Variants in MTMR7 observed in about 807,000 individuals in gnomAD.
MTMR7 encodes myotubularin related protein 7.
MTMR7 carries 76 observed loss-of-function variants against 81.2 expected under a neutral mutation model. That is an observed-to-expected ratio of 0.94 (90% CI 0.78 to 1.13). The LOEUF is 1.13. Among genes scored for constraint, MTMR7 ranks in the 50% most tolerant of loss-of-function variants. The probability of loss-of-function intolerance (pLI) is 0.00; values close to 1 mark genes in which losing one functional copy is unlikely to be tolerated. For missense variants in MTMR7, 1,044 were observed against 820.0 expected (o/e 1.27, Z -3.34); for synonymous variants, 372 against 289.8 (o/e 1.28, Z -2.88).
chr8:17,383,106 G>C (rs1820813807), intron 1 of MTMR7, among the ~76,000 whole-genome samples: 1 of 151,994 alleles, frequency 6.6e-6, no homozygotes, highest in African/African-American at 2.4e-5. Context: ...AGGTCCCAGG[G>C]AAGGGAGCCG....
intron 6 of MTMR7, among the ~76,000 whole-genome samples, chr8:17,332,674 T>C (rs1332465211): frequency 6.6e-6 from 1 of 152,236 alleles, no homozygotes; most frequent in Non-Finnish European, 1.5e-5. Flanking sequence ...TTTTGCACCA[T>C]TGTAAAAAGC....
At chr8:17,399,777 A>G (rs1557587) in intron 1 of MTMR7, among the ~76,000 whole-genome samples, 2 of 151,836 alleles carry the variant, frequency 1.3e-5, no homozygotes, top group Non-Finnish European at 2.9e-5. Flanking sequence ...CATTATTCAC[A>G]GTAGTCGAGA....
intron 1 of MTMR7, among the ~76,000 whole-genome samples, chr8:17,404,870 A>G (rs546057935): frequency 1.3e-5 from 2 of 152,232 alleles, no homozygotes; most frequent in East Asian, 3.9e-4. Context: ...CTGTAGCCCA[A>G]GCTGGAGTGC....
chr8:17,404,205 G>T (rs1055243042), intron 1 of MTMR7, among the ~76,000 whole-genome samples: 1 of 152,172 alleles, frequency 6.6e-6, no homozygotes, highest in African/African-American at 2.4e-5. Flanking sequence ...GGTAGGAACG[G>T]AGGTGGGATA....
At chr8:17,388,051 G>A (rs904132137) in intron 1 of MTMR7, among the ~76,000 whole-genome samples, 1 of 152,156 alleles carries the variant, frequency 6.6e-6, no homozygotes, top group Non-Finnish European at 1.5e-5. Context: ...TCTTAGAAAA[G>A]GCAGAACAAG....
At chr8:17,350,400 T>C (rs1443850794) in intron 4 of MTMR7, among the ~76,000 whole-genome samples, 1 of 152,224 alleles carries the variant, frequency 6.6e-6, no homozygotes, top group Non-Finnish European at 1.5e-5. Context: ...ACGTCTTACG[T>C]GGTAGCAGGC....
At chr8:17,321,586 A>G (rs1244463029) in intron 7 of MTMR7, among the ~76,000 whole-genome samples, 1 of 152,246 alleles carries the variant, frequency 6.6e-6, no homozygotes, top group Non-Finnish European at 1.5e-5. Flanking sequence ...CAAAGCGATT[A>G]GCGCCTGGAT....
At chr8:17,389,640 G>A (rs1389893485) in intron 1 of MTMR7, among the ~76,000 whole-genome samples, 1 of 152,196 alleles carries the variant, frequency 6.6e-6, no homozygotes, top group African/African-American at 2.4e-5. Flanking sequence ...CTTATAGGTA[G>A]AATTAAGTAT....
chr8:17,356,241 T>C (rs1338737724), intron 4 of MTMR7, among the ~76,000 whole-genome samples: 1 of 152,162 alleles, frequency 6.6e-6, no homozygotes, highest in Non-Finnish European at 1.5e-5. Context: ...CTTCCACATT[T>C]CCTTTAATGG....
intron 1 of MTMR7, among the ~76,000 whole-genome samples, chr8:17,384,408 C>A (rs1820864476): frequency 6.6e-6 from 1 of 152,094 alleles, no homozygotes; most frequent in Non-Finnish European, 1.5e-5. Context: ...GAGACCCTAA[C>A]TCTAAAAAAT....
intron 1 of MTMR7, among the ~76,000 whole-genome samples, chr8:17,390,893 G>A (rs764313093): frequency 6.6e-6 from 1 of 152,188 alleles, no homozygotes; most frequent in Non-Finnish European, 1.5e-5. Context: ...CCCCCAACAC[G>A]TGGGGATTAC....
At chr8:17,341,050 A>T (rs925272821) in intron 6 of MTMR7, among the ~76,000 whole-genome samples, 1 of 152,252 alleles carries the variant, frequency 6.6e-6, no homozygotes, top group African/African-American at 2.4e-5. Context: ...TTTAGAAAGA[A>T]ACCAAGTACT....
At chr8:17,349,471 T>C (rs763641717) in intron 4 of MTMR7, 8 of 184,738 alleles carry the variant, frequency 4.3e-5, no homozygotes, top group Non-Finnish European at 8.2e-5. Flanking sequence ...GAGACAGTTT[T>C]CCTAAAACAT....
intron 4 of MTMR7, among the ~76,000 whole-genome samples, chr8:17,360,237 AAATT>A (rs1188589573): frequency 2.6e-5 from 4 of 152,210 alleles, no homozygotes; most frequent in Non-Finnish European, 5.9e-5. Context: ...CAAACATAAA[AAATT>A]AATATACACA....
chr8:17,316,464 TAAAAAAA>T (rs3040963), intron 7 of MTMR7, among the ~76,000 whole-genome samples: 1 of 143,476 alleles, frequency 7.0e-6, no homozygotes. Flanking sequence ...AACAGTACAG[TAAAAAAA>T]AAAAAAAACC....
chr8:17,410,888 T>A lies in MTMR7; in HGVS notation c.24+2381A>T, dbSNP rs1007694018. Among the ~76,000 whole-genome samples the A allele has an allele frequency of 4.6e-5, 7 of 152,286 alleles. No homozygotes were observed. In the East Asian group the frequency reaches 1.4e-3, roughly 29 times the overall value. On this transcript the variant is annotated intron_variant, in intron 1 of 13. Transcript: ENST00000180173. Reference sequence around the variant, plus strand: ...TCTTAAAACTCTACTACCCACACAGTAAATATTGCTATAAACCCACAGTGG... The same window carrying A: ...TCTTAAAACTCTACTACCCACACAGAAAATATTGCTATAAACCCACAGTGG...
intron 3 of MTMR7, among the ~76,000 whole-genome samples, chr8:17,362,867 G>A (rs969482884): frequency 6.6e-6 from 1 of 152,122 alleles, no homozygotes; most frequent in Non-Finnish European, 1.5e-5. Flanking sequence ...TGAAAACTCA[G>A]GTTTCAAACT....
chr8:17,403,425 C>T (rs1331403194), intron 1 of MTMR7, among the ~76,000 whole-genome samples: 4 of 152,124 alleles, frequency 2.6e-5, no homozygotes, highest in African/African-American at 9.7e-5. Flanking sequence ...TTTTCTGTTC[C>T]AGCGGTCTAT....
intron 10 of MTMR7, among the ~76,000 whole-genome samples, chr8:17,306,772 C>A (rs1817482130): frequency 6.6e-6 from 1 of 152,170 alleles, no homozygotes; most frequent in East Asian, 1.9e-4. Context: ...TGTCTAGAAA[C>A]TTCTCAGATG....
Sources: allele counts gnomAD v4.1 joint callset (sites outside exome capture counted in the v4.1 genomes callset), GRCh38; gene constraint gnomAD v4.1.1; transcripts MANE v1.5; gene names NCBI Gene and HGNC (gene_info 2026-07-23, HGNC 2026-07-21).